Variants in PSD3 observed in about 807,000 individuals in gnomAD.
PSD3 encodes pleckstrin and Sec7 domain containing 3, also known as PH and SEC7 domain-containing protein 3.
Under a neutral mutation model 105.5 loss-of-function variants are expected in PSD3, and 49 were observed. That is an observed-to-expected ratio of 0.46 (90% confidence interval 0.37 to 0.59). PSD3 has a LOEUF of 0.59. Among genes scored for constraint, PSD3 ranks in the 20% least tolerant of loss-of-function variants. The pLI is 0.00. For synonymous variants in PSD3, 557 were observed against 457.8 expected (o/e 1.22, Z -2.77); for missense variants, 1,561 against 1,263.8 (o/e 1.24, Z -3.57).
intron 1 of PSD3, among the ~76,000 whole-genome samples, chr8:18,965,083 A>T (rs1586541160): frequency 6.6e-6 from 1 of 152,220 alleles, no homozygotes; most frequent in East Asian, 1.9e-4. Context: ...CTAACAATTA[A>T]GCATTATACT....
intron 4 of PSD3, among the ~76,000 whole-genome samples, chr8:18,813,459 G>A (rs1454739518): frequency 6.6e-6 from 1 of 152,120 alleles, no homozygotes; most frequent in African/African-American, 2.4e-5. Flanking sequence ...GAATCACCTG[G>A]GAGAGGCTAG....
At chr8:18,981,643 C>A (rs1332446678) in intron 1 of PSD3, among the ~76,000 whole-genome samples, 4 of 130,074 alleles carry the variant, frequency 3.1e-5, no homozygotes, top group Non-Finnish European at 7.4e-5. Flanking sequence ...AAGCAAACAT[C>A]ACAATAAAGT....
intron 2 of PSD3, among the ~76,000 whole-genome samples, chr8:18,897,315 C>T (rs1013140923): frequency 2.6e-5 from 4 of 152,026 alleles, no homozygotes; most frequent in Admixed American, 6.5e-5. Flanking sequence ...GAAAATGAGT[C>T]GGCTATAAAG....
intron 2 of PSD3, among the ~76,000 whole-genome samples, chr8:18,915,962 G>A: frequency 6.6e-6 from 1 of 151,996 alleles, no homozygotes; most frequent in East Asian, 1.9e-4. Context: ...AGGCATGGGT[G>A]GCACATGCCT....
At chr8:18,911,971 G>A (rs1232637852) in intron 2 of PSD3, among the ~76,000 whole-genome samples, 1 of 152,176 alleles carries the variant, frequency 6.6e-6, no homozygotes, top group Non-Finnish European at 1.5e-5. Flanking sequence ...GCCAAGTTAA[G>A]TGGGACCTTT....
chr8:19,016,284 T>TC (rs941299624), upstream of PSD3, among the ~76,000 whole-genome samples: 1 of 152,046 alleles, frequency 6.6e-6, no homozygotes, highest in Non-Finnish European at 1.5e-5. Context: ...AACATATTCC[T>TC]CCCCCACCTC....
chr8:18,865,258 ATATATATATATATATATATATATATATAT>A (rs1816787619), intron 4 of PSD3: 1 of 3,564 alleles, frequency 2.8e-4, no homozygotes, highest in Non-Finnish European at 6.6e-4. Context: ...ATATATATAT[ATATATATATATATATATATATATATATAT>A]TTTTTTTTTT....
Position 18,534,356 on chromosome 8 carries a change from T to A in PSD3, c.*1387A>T, listed in dbSNP as rs1249171382. The A allele has an allele frequency of 6.6e-6, 1 of 152,632 alleles. No individual in the cohort carries two copies. Among genetic ancestry groups the A allele is most frequent in the East Asian group, 1.9e-4 (1 of 5,198 alleles). 9.5% of individuals were successfully genotyped at this position (152,632 alleles called of 1,614,324 possible). A position where few individuals can be genotyped will look rare whatever the true frequency, so the allele number is the denominator to read the frequency against. On this transcript the variant is annotated 3_prime_UTR_variant, in exon 16 of 16. Transcript: ENST00000327040. The stretch of plus-strand genomic sequence containing the variant: ...AGCTCTAGGTCTCAGTGGGCTAAAC[T>A]TTCACTCCTTTCTCTTCCTCTACAG...
At chr8:18,593,609 C>T (rs1310920481) in intron 12 of PSD3, among the ~76,000 whole-genome samples, 1 of 152,022 alleles carries the variant, frequency 6.6e-6, no homozygotes, top group Non-Finnish European at 1.5e-5. Context: ...TTTGACCCAG[C>T]CATCCCATTA....
intron 11 of PSD3, among the ~76,000 whole-genome samples, chr8:18,601,867 T>G (rs1311656656): frequency 6.6e-6 from 1 of 152,220 alleles, no homozygotes; most frequent in Non-Finnish European, 1.5e-5. Context: ...AGAGGGCTGC[T>G]GCAGAGCAGG....
intron 9 of PSD3, among the ~76,000 whole-genome samples, chr8:18,722,058 G>A (rs1348153527): frequency 6.6e-6 from 1 of 151,870 alleles, no homozygotes; most frequent in African/African-American, 2.4e-5. Context: ...TATGATTGTT[G>A]AGCCTTGTTT....
At chr8:18,608,773 T>G (rs955714769) in intron 11 of PSD3, among the ~76,000 whole-genome samples, 1 of 152,230 alleles carries the variant, frequency 6.6e-6, no homozygotes, top group Non-Finnish European at 1.5e-5. Flanking sequence ...CAGAAAAGTT[T>G]TTTTTTAATC....
intron 10 of PSD3, among the ~76,000 whole-genome samples, chr8:18,636,341 A>G (rs1807254747): frequency 6.6e-6 from 1 of 152,240 alleles, no homozygotes; most frequent in Non-Finnish European, 1.5e-5. Context: ...CTTATAAAAT[A>G]AGGATATAAT....
chr8:18,936,166 G>T (rs754469197), intron 1 of PSD3, 24 bp from the exon 2 acceptor site: 6 of 1,499,004 alleles, frequency 4.0e-6, no homozygotes, highest in Non-Finnish European at 5.5e-6. Flanking sequence ...ACAAAACAAA[G>T]ACACATTTAA....
chr8:18,702,315 T>C (rs182661653), intron 9 of PSD3, among the ~76,000 whole-genome samples: 25 of 152,362 alleles, frequency 1.6e-4, no homozygotes, highest in Admixed American at 1.0e-3. Context: ...TGTGTGTTTA[T>C]GTACATAGGT....
At chr8:18,972,701 A>G (rs6997856) in intron 1 of PSD3, among the ~76,000 whole-genome samples, 150,124 of 152,328 alleles carry the variant, frequency 0.99, 74,010 homozygotes, top group Middle Eastern at 1. Flanking sequence ...AAACTAGGTA[A>G]CTCTGTTTAC....
chr8:19,035,300 C>A (rs1827903721), intron 1 of PSD3, among the ~76,000 whole-genome samples: 1 of 152,070 alleles, frequency 6.6e-6, no homozygotes, highest in South Asian at 2.1e-4. Flanking sequence ...TTCTGTGTAT[C>A]TCTATTTACT....
intron 9 of PSD3, among the ~76,000 whole-genome samples, chr8:18,663,129 T>A (rs1030311932): frequency 6.6e-6 from 1 of 151,960 alleles, no homozygotes; most frequent in Non-Finnish European, 1.5e-5. Flanking sequence ...ATGCACAAAA[T>A]CAAACCTGAA....
At chr8:19,023,963 CA>C (rs1827453419) in intron 1 of PSD3, among the ~76,000 whole-genome samples, 2 of 152,170 alleles carry the variant, frequency 1.3e-5, no homozygotes, top group Admixed American at 1.3e-4. Flanking sequence ...CCATTAAAAA[CA>C]AAAACCAAAC....
Sources: gnomAD v4.1 joint callset for allele counts (sites outside exome capture counted in the v4.1 genomes callset) on GRCh38, gnomAD v4.1.1 for gene constraint, MANE v1.5 for transcripts, NCBI Gene and HGNC (gene_info 2026-07-23, HGNC 2026-07-21) for gene names.